Variants in NR1D2 observed in about 807,000 individuals in gnomAD.
The protein encoded by NR1D2 is V-erbA-related protein 1-related.
Under a neutral mutation model 52.2 loss-of-function variants are expected in NR1D2, and 25 were observed. The observed-to-expected ratio is 0.48, with a 90% CI of 0.35 to 0.67. The LOEUF is 0.67. Ranked by LOEUF, NR1D2 falls within the 30% of genes least tolerant of loss-of-function variation. The probability of loss-of-function intolerance (pLI) is 0.01; values close to 1 mark genes in which losing one functional copy is unlikely to be tolerated. For missense variants in NR1D2, 681 were observed against 707.2 expected (o/e 0.96, Z 0.42); for synonymous variants, 259 against 230.1 (o/e 1.13, Z -1.14).
Position 23,968,087 on chromosome 3 carries a change from G to A in NR1D2, c.1543+64G>A, listed in dbSNP as rs573547743. ...ATAGTGACCAACTGGGGAGAAGATG[G>A]CAGTTAACAGGGTTCCAGAAAGTTA... On this transcript the variant is annotated intron_variant, in intron 7 of 7. Transcript: ENST00000312521. 4 of 1,277,558 alleles carry A rather than the reference G, an allele frequency of 3.1e-6. No homozygotes were observed. The East Asian group carries it at 7.0e-5, about 22-fold the overall frequency. 79.1% of individuals were successfully genotyped at this position (1,277,558 alleles called of 1,614,324 possible). A position where few individuals can be genotyped will look rare whatever the true frequency, so the allele number is the denominator to read the frequency against.
Position 23,973,218 on chromosome 3 carries a change from C to T in NR1D2, c.1544-4005C>T, listed in dbSNP as rs146038913. Among the ~76,000 whole-genome samples, 1,463 of 152,222 alleles carry T rather than the reference C, an allele frequency of 9.6e-3. 11 individuals carry two copies. Among genetic ancestry groups the T allele is most frequent in the Middle Eastern group, 0.068 (20 of 294 alleles). ...TCATATGATTGAAACCAGAGTCATG[C>T]GTCGCTTAATGACGTAAATATGTTC... is the stretch of plus-strand genomic sequence containing the variant. On this transcript the variant is annotated intron_variant, in intron 7 of 7. Transcript: ENST00000312521.
chr3:23,969,699 G>A (rs989718569), intron 7 of NR1D2, among the ~76,000 whole-genome samples: 1 of 152,204 alleles, frequency 6.6e-6, no homozygotes, highest in Non-Finnish European at 1.5e-5. Context: ...AGCTTGCTAA[G>A]TGTTTTCATT....
rs1202722923 is a variant in NR1D2, at chr3:23,945,479, C to T, written c.-100C>T. Reference sequence around the variant, plus strand: ...GCCCATGAGGGGGCCCCGCGACCACCGCTGCTTCCAGCCCGGGGCGGCGCG... The same window carrying T: ...GCCCATGAGGGGGCCCCGCGACCACTGCTGCTTCCAGCCCGGGGCGGCGCG... On this transcript the variant is annotated 5_prime_UTR_variant, in exon 1 of 8. Coordinates refer to ENST00000312521, the MANE Select transcript of NR1D2 (RefSeq NM_005126.5). 2 of 719,342 alleles carry T rather than the reference C, an allele frequency of 2.8e-6. No individual in the cohort carries two copies. The highest frequency in any genetic ancestry group is 1.1e-4 in the Admixed American group (2 of 17,736). The allele number at this position is 719,342 out of a possible 1,614,324, so 44.6% of individuals were successfully genotyped here.
chr3:23,946,294 G>A (rs1705705465), intron 1 of NR1D2: 2 of 985,480 alleles, frequency 2.0e-6, no homozygotes, highest in Non-Finnish European at 2.4e-6. Context: ...CAAACGAACC[G>A]GCGCCTGGGG....
At chr3:23,945,912 G>A (rs1426827934) in intron 1 of NR1D2, among the ~76,000 whole-genome samples, 1 of 150,374 alleles carries the variant, frequency 6.7e-6, no homozygotes, top group East Asian at 2.0e-4. Flanking sequence ...GGCTGGGCGG[G>A]CGCGTGACGC....
At chr3:23,945,730 C>G in intron 1 of NR1D2, 136 bp downstream of exon 1, 1 of 595,712 alleles carries the variant, frequency 1.7e-6, no homozygotes, top group Non-Finnish European at 2.3e-6. Context: ...CGCGTGTCCG[C>G]CTCTGGCTCG....
intron 1 of NR1D2, among the ~76,000 whole-genome samples, chr3:23,950,060 A>G (rs1705883005): frequency 1.3e-5 from 2 of 152,228 alleles, no homozygotes; most frequent in Non-Finnish European, 2.9e-5. Flanking sequence ...CAGGGTTTCA[A>G]AGAGGTACAT....
intron 1 of NR1D2, among the ~76,000 whole-genome samples, chr3:23,949,236 G>A (rs1001035076): frequency 1.3e-5 from 2 of 151,840 alleles, no homozygotes; most frequent in African/African-American, 4.8e-5. Flanking sequence ...GTGGTGGCGG[G>A]TGCCTGTAAT....
intron 1 of NR1D2, among the ~76,000 whole-genome samples, chr3:23,951,171 C>G (rs1425732627): frequency 6.6e-6 from 1 of 152,176 alleles, no homozygotes; most frequent in Admixed American, 6.5e-5. Flanking sequence ...TCCCAAAGTG[C>G]TGAGGTTACA....
rs139048106 is a variant in NR1D2, at chr3:23,949,142, G to A, written c.16+3548G>A. ...GCAATCTGGGAGGCTGAGATGGGCA[G>A]ATCACCTGAGGTCAGGAGTTCGAGA... is the stretch of plus-strand genomic sequence containing the variant. On this transcript the variant is annotated intron_variant, in intron 1 of 7. Coordinates refer to ENST00000312521, the MANE Select transcript of NR1D2 (RefSeq NM_005126.5). Among the ~76,000 whole-genome samples, 320 of 152,294 alleles carry A rather than the reference G, an allele frequency of 2.1e-3. 1 individual carries two copies. Among genetic ancestry groups the A allele is most frequent in the African/African-American group, 7.2e-3 (298 of 41,562 alleles).
In NR1D2 at chr3:23,962,721, C is replaced by T. The variant is rs1706317279; in HGVS notation, c.1146+116C>T. ...GGTGTCAGGAAACCTAAGAAATTTA[C>T]AGACTTAATTTTGTACAGTATTTTA... On this transcript the variant is annotated intron_variant, in intron 5 of 7. Coordinates refer to ENST00000312521, the MANE Select transcript of NR1D2 (RefSeq NM_005126.5). 19 of 975,512 alleles carry T rather than the reference C, an allele frequency of 1.9e-5. 1 individual carries two copies. In the South Asian group the frequency reaches 3.1e-4, roughly 16 times the overall value. The allele number at this position is 975,512 out of a possible 1,614,324, so 60.4% of individuals were successfully genotyped here.
Position 23,964,961 on chromosome 3 carries a change from G to A in NR1D2, c.1147-16G>A, listed in dbSNP as rs760856438. On this transcript the variant is annotated splice_polypyrimidine_tract_variant and intron_variant, in intron 5 of 7. Coordinates refer to ENST00000312521, the MANE Select transcript of NR1D2 (RefSeq NM_005126.5). Reference sequence around the variant, plus strand: ...CCTCTTAGTATTTAAGAGTTTTTCCGTTTTATGTATACTAGGTTTGTCCAA... The same window carrying A: ...CCTCTTAGTATTTAAGAGTTTTTCCATTTTATGTATACTAGGTTTGTCCAA... The A allele has an allele frequency of 2.7e-5, 42 of 1,556,864 alleles. No homozygotes were observed. The highest frequency in any genetic ancestry group is 1.7e-4 in the Middle Eastern group (1 of 5,860).
At chr3:23,949,592 A>G (rs1339659733) in intron 1 of NR1D2, among the ~76,000 whole-genome samples, 1 of 152,234 alleles carries the variant, frequency 6.6e-6, no homozygotes, top group Non-Finnish European at 1.5e-5. Flanking sequence ...TTGGCCTATA[A>G]GGCATTTTAG....
chr3:23,964,139 T>G (rs113404876), intron 5 of NR1D2, among the ~76,000 whole-genome samples: 1 of 151,410 alleles, frequency 6.6e-6, no homozygotes, highest in Non-Finnish European at 1.5e-5. Flanking sequence ...AGTGCAGTGG[T>G]ATGATCTCGG....
At position 23,967,734 on chromosome 3, in the gene NR1D2, C is replaced by A. The variant is rs1042422152; in HGVS notation, c.1333-79C>A. On this transcript the variant is annotated intron_variant, in intron 6 of 7. Transcript: ENST00000312521. Reference sequence around the variant, plus strand: ...CTTTTATATGTGGGATGATTCATAACTGACTTGATTGAATACTAAGTTATT... The same window carrying A: ...CTTTTATATGTGGGATGATTCATAAATGACTTGATTGAATACTAAGTTATT... The A allele has an allele frequency of 8.0e-6, 9 of 1,123,012 alleles. No homozygotes were observed. The South Asian group carries it at 9.2e-5, about 12-fold the overall frequency. 69.6% of individuals were successfully genotyped at this position (1,123,012 alleles called of 1,614,324 possible). A position where few individuals can be genotyped will look rare whatever the true frequency, so the allele number is the denominator to read the frequency against.
In NR1D2 at chr3:23,965,165, A is replaced by G. The variant is rs754924024; in HGVS notation, c.1332+3A>G. On this transcript the variant is annotated splice_donor_region_variant and intron_variant, in intron 6 of 7. Coordinates refer to ENST00000312521, the MANE Select transcript of NR1D2 (RefSeq NM_005126.5). Reference sequence around the variant, plus strand: ...TTTTAAAGGCTGGGACTTTTGAGGTAGGTTTTATTTATCCTGAATATTGAT... The same window carrying G: ...TTTTAAAGGCTGGGACTTTTGAGGTGGGTTTTATTTATCCTGAATATTGAT... 3.4e-5 allele frequency: 52 copies of G among 1,518,764 alleles called. No individual in the cohort carries two copies. The highest frequency in any genetic ancestry group is 4.4e-5 in the Non-Finnish European group (49 of 1,123,774). 94.1% of individuals were successfully genotyped at this position (1,518,764 alleles called of 1,614,324 possible). A position where few individuals can be genotyped will look rare whatever the true frequency, so the allele number is the denominator to read the frequency against.
chr3:23,969,000 T>C (rs13099069), intron 7 of NR1D2, among the ~76,000 whole-genome samples: 2,020 of 152,286 alleles, frequency 0.013, 17 homozygotes, highest in Non-Finnish European at 0.021. Context: ...GAACAAGTTC[T>C]TGGCCAGGCG....
At chr3:23,955,116 T>C (rs1394742164) in intron 2 of NR1D2, among the ~76,000 whole-genome samples, 1 of 152,234 alleles carries the variant, frequency 6.6e-6, no homozygotes, top group Non-Finnish European at 1.5e-5. Flanking sequence ...AAGTCTTGTT[T>C]CTAGAACAGA....
Position 23,980,196 on chromosome 3 carries a change from TC to T in NR1D2, c.*2778del, listed in dbSNP as rs1348456813. The T allele has an allele frequency of 1.3e-5, 2 of 152,204 alleles. No individual in the cohort carries two copies. Among genetic ancestry groups the T allele is most frequent in the Non-Finnish European group, 2.9e-5 (2 of 68,012 alleles). The allele number at this position is 152,204 out of a possible 1,614,324, so 9.4% of individuals were successfully genotyped here. A position where few individuals can be genotyped will look rare whatever the true frequency, so the allele number is the denominator to read the frequency against. ...AGAGATGATTTATTTTATGTAAACA[TC>T]TTTGCAAAGCAAGGTGTAGCAGCTC... On this transcript the variant is annotated 3_prime_UTR_variant, in exon 8 of 8. Coordinates refer to ENST00000312521, the MANE Select transcript of NR1D2 (RefSeq NM_005126.5).
Sources: allele counts gnomAD v4.1 joint callset (sites outside exome capture counted in the v4.1 genomes callset), GRCh38; gene constraint gnomAD v4.1.1; transcripts MANE v1.5; gene names NCBI Gene and HGNC (gene_info 2026-07-23, HGNC 2026-07-21).